Variants in G3BP2 observed in about 807,000 individuals in gnomAD.
G3BP2 encodes ras GTPase-activating protein-binding protein 2.
In G3BP2, 11 loss-of-function variants were observed where a neutral mutation model predicts 56.7. The ratio of observed to expected loss-of-function variants is 0.19; its 90% CI spans 0.12 to 0.32. The LOEUF (loss-of-function observed/expected upper bound fraction) is 0.32. Ranked by LOEUF, G3BP2 falls within the 10% of genes least tolerant of loss-of-function variation. The pLI, the probability that G3BP2 is intolerant of heterozygous loss-of-function variation, is 1.00. For missense variants in G3BP2, 340 were observed against 610.9 expected, an observed-to-expected ratio of 0.56 and a Z score of 4.67; for synonymous variants, 165 against 191.6, an observed-to-expected ratio of 0.86 and a Z score of 1.15.
At chr4:75,710,893 G>A (rs1719729431) in intron 3 of G3BP2, among the ~76,000 whole-genome samples, 1 of 151,922 alleles carries the variant, frequency 6.6e-6, no homozygotes, top group Non-Finnish European at 1.5e-5. Context: ...TGAAATCCTA[G>A]CTTCAGGCAA....
At chr4:75,646,892 A>T (rs1241398732) in intron 10 of G3BP2, 137 bp downstream of exon 10, 3 of 578,278 alleles carry the variant, frequency 5.2e-6, no homozygotes, top group Non-Finnish European at 9.0e-6. Context: ...CCTTCTGCAC[A>T]ATTAAGGTGG....
intron 2 of G3BP2, among the ~76,000 whole-genome samples, chr4:75,660,485 A>ACTTACTGAGGTTAC (rs1244193460): frequency 6.6e-6 from 1 of 152,196 alleles, no homozygotes; most frequent in East Asian, 1.9e-4. Flanking sequence ...TCCTAGATGA[A>ACTTACTGAGGTTAC]TTACTAACCT....
In G3BP2 at chr4:75,645,504, C is replaced by A; in HGVS notation, c.1375G>T (p.Gly459Cys). The change falls in exon 12 of 12, where the codon GGC becomes TGC. Residue 459 changes from glycine to cysteine, a missense_variant. Coordinates refer to ENST00000359707, the MANE Select transcript of G3BP2 (RefSeq NM_203505.3). ...CCAGAGCCAAGTTTCTGTGCCATGCCACCCCTTGGAGGAGGTCCTCTTCCA... is the reference window on the plus strand; with the variant it reads ...CCAGAGCCAAGTTTCTGTGCCATGCAACCCCTTGGAGGAGGTCCTCTTCCA... Reference protein sequence around the residue: ...RDGRGPPPRGGMAQKLGSGRG... With the variant: ...RDGRGPPPRGCMAQKLGSGRG... The A allele has an allele frequency of 6.2e-7, 1 of 1,614,072 alleles. No homozygotes were observed. Among genetic ancestry groups the A allele is most frequent in the Non-Finnish European group, 8.5e-7 (1 of 1,179,996 alleles).
intron 1 of G3BP2, among the ~76,000 whole-genome samples, chr4:75,669,192 C>A (rs1733290763): frequency 1.3e-5 from 2 of 152,176 alleles, no homozygotes; most frequent in Admixed American, 6.5e-5. Context: ...AAACGTGTAT[C>A]TAGTCTATAC....
rs1731161604 is a variant in G3BP2, at chr4:75,645,630, T to C, written c.1249A>G (p.Thr417Ala). 7.4e-6 allele frequency: 12 copies of C among 1,614,010 alleles called. No homozygotes were observed. The highest frequency in any genetic ancestry group is 1.0e-5 in the Non-Finnish European group (12 of 1,179,996). Residue 417 changes from threonine to alanine, a missense_variant, in exon 12 of 12, where the codon ACC becomes GCC. Physicochemically the swap from Thr to Ala is moderately conservative, Grantham distance 58 (BLOSUM62 0). Around this residue, in one of 4 missense-constraint regions of G3BP2, gnomAD observed 94 missense variants for 173.8 expected, o/e 0.54. Transcript: ENST00000359707. ...CTGCGATCATCACCACCACCTCTGG[T>C]TTCTCGCTCTCTTGCAGCTCTTGTT... ...KKTRAARERE[T>A]RGGGDDRRDI...
chr4:75,688,323 G>A (rs779927582), intron 3 of G3BP2, among the ~76,000 whole-genome samples: 8 of 152,246 alleles, frequency 5.3e-5, no homozygotes, highest in Non-Finnish European at 7.4e-5. Flanking sequence ...GATTACAGGC[G>A]TAAGCCACCA....
chr4:75,721,095 C>T (rs1720159103), intron 2 of G3BP2, among the ~76,000 whole-genome samples: 1 of 151,856 alleles, frequency 6.6e-6, no homozygotes, highest in Admixed American at 6.6e-5. Context: ...TATGTGCCAC[C>T]ACGCCGAGCT....
chr4:75,665,775 A>G (rs1350171260), intron 1 of G3BP2, among the ~76,000 whole-genome samples: 1 of 152,226 alleles, frequency 6.6e-6, no homozygotes, highest in East Asian at 1.9e-4. Flanking sequence ...TAACTAAAAC[A>G]TGGAAATTAT....
rs180916881 is a variant in G3BP2 at position 75,715,689 on chromosome 4, G to A, written c.-25+5188C>T. Among the ~76,000 whole-genome samples, 6 of 152,324 alleles carry A rather than the reference G, an allele frequency of 3.9e-5. No homozygotes were observed. In the East Asian group the frequency reaches 7.7e-4, roughly 20 times the overall value. On this transcript the variant is annotated intron_variant, in intron 3 of 3. Transcript: ENST00000499709. Reference sequence around the variant, plus strand: ...AGCTTCATGCAACAGAGTTAAAGGTGCAGGAAAGAAGACACTGAAAGCTAA... The same window carrying A: ...AGCTTCATGCAACAGAGTTAAAGGTACAGGAAAGAAGACACTGAAAGCTAA...
At position 75,665,656 on chromosome 4, in the gene G3BP2, A is replaced by AAC. The variant is rs368331407; in HGVS notation, c.-24-3609_-24-3608dup. 8.9e-3 allele frequency among the ~76,000 whole-genome samples: 649 copies of AAC among 73,132 alleles called. 2 individuals carry two copies. Among genetic ancestry groups the AAC allele is most frequent in the East Asian group, 0.028 (24 of 844 alleles). 48.0% of individuals were successfully genotyped at this position (73,132 alleles called of 152,430 possible). A position where few individuals can be genotyped will look rare whatever the true frequency, so the allele number is the denominator to read the frequency against. On this transcript the variant is annotated intron_variant, in intron 1 of 11. Coordinates refer to ENST00000359707, the MANE Select transcript of G3BP2 (RefSeq NM_203505.3). ...ACACACACACACAAACACACAAACA[A>AAC]ACACACACACACACACACACACACA... is the stretch of plus-strand genomic sequence containing the variant.
chr4:75,652,695 C>T (rs1731793915), intron 8 of G3BP2, among the ~76,000 whole-genome samples: 1 of 152,108 alleles, frequency 6.6e-6, no homozygotes, highest in Admixed American at 6.5e-5. Context: ...GACTTCAAAG[C>T]CCAACCCTAC....
At chr4:75,723,903 A>G in intron 1 of G3BP2, among the ~76,000 whole-genome samples, 1 of 151,976 alleles carries the variant, frequency 6.6e-6, no homozygotes, top group African/African-American at 2.4e-5. Flanking sequence ...TCATGTTAAA[A>G]AAAAAAAAAC....
At chr4:75,656,841 C>T (rs1732157347) in intron 5 of G3BP2, 83 bp downstream of exon 5, 6 of 708,104 alleles carry the variant, frequency 8.5e-6, no homozygotes, top group South Asian at 6.8e-5. Context: ...AGCAAATTTC[C>T]GTAGATGTCA....
chr4:75,699,415 T>C (rs1386404358), intron 3 of G3BP2, among the ~76,000 whole-genome samples: 2 of 152,196 alleles, frequency 1.3e-5, no homozygotes, highest in Non-Finnish European at 2.9e-5. Context: ...ATTATTTCCA[T>C]TGTACAGAAG....
intron 1 of G3BP2, among the ~76,000 whole-genome samples, chr4:75,666,505 C>T (rs1170863613): frequency 2.0e-5 from 3 of 152,060 alleles, no homozygotes; most frequent in South Asian, 2.1e-4. Flanking sequence ...ACCATAACTC[C>T]GATTTGAAGT....
chr4:75,707,307 C>G (rs1719586157), intron 3 of G3BP2, among the ~76,000 whole-genome samples: 1 of 151,922 alleles, frequency 6.6e-6, no homozygotes, highest in East Asian at 1.9e-4. Flanking sequence ...AGAAATTGAC[C>G]TGAGATAATG....
intron 3 of G3BP2, among the ~76,000 whole-genome samples, chr4:75,684,074 G>A (rs1718464146): frequency 6.6e-6 from 1 of 152,150 alleles, no homozygotes; most frequent in South Asian, 2.1e-4. Context: ...GTGCCAGAGG[G>A]AAGCTTTGCT....
chr4:75,700,427 CTT>C (rs370845226), intron 3 of G3BP2, among the ~76,000 whole-genome samples: 2 of 11,542 alleles, frequency 1.7e-4, no homozygotes, highest in Non-Finnish European at 2.0e-4. Context: ...TTCTTTCTTT[CTT>C]TTTTTTTTTG....
intron 3 of G3BP2, among the ~76,000 whole-genome samples, chr4:75,709,675 C>A (rs916068908): frequency 6.6e-6 from 1 of 151,918 alleles, no homozygotes; most frequent in Admixed American, 6.6e-5. Context: ...TTAAAGAATG[C>A]AGTTGTGTGT....
Sources: gnomAD v4.1 joint callset for allele counts (sites outside exome capture counted in the v4.1 genomes callset) on GRCh38, gnomAD v4.1.1 for gene constraint, gnomAD v4.1.1 regional missense constraint, MANE v1.5 for transcripts, NCBI Gene and HGNC (gene_info 2026-07-23, HGNC 2026-07-21) for gene names.